The following TAPT1 variants were observed in gnomAD, a reference collection of about 807,000 sequenced individuals.
The protein encoded by TAPT1 is transmembrane anterior posterior transformation protein 1 homolog.
In TAPT1, 28 loss-of-function variants were observed where a neutral mutation model predicts 65.6. The observed-to-expected ratio is 0.43, with a 90% CI of 0.32 to 0.59. TAPT1 has a LOEUF of 0.59. TAPT1 is among the 20% of genes least tolerant of loss of function. TAPT1 has a pLI of 0.09. For missense variants in TAPT1, 563 were observed against 679.9 expected, an observed-to-expected ratio of 0.83 and a Z score of 1.91; for synonymous variants, 278 against 245.2, an observed-to-expected ratio of 1.13 and a Z score of -1.25.
At chr4:16,214,800 G>C (rs1239587287) in intron 1 of TAPT1, among the ~76,000 whole-genome samples, 1 of 152,142 alleles carries the variant, frequency 6.6e-6, no homozygotes, top group Non-Finnish European at 1.5e-5. Flanking sequence ...GTTACCAAAA[G>C]GTTTCCAACT....
intron 2 of TAPT1, among the ~76,000 whole-genome samples, chr4:16,203,827 A>G (rs1469146104): frequency 6.6e-6 from 1 of 152,228 alleles, no homozygotes; most frequent in Non-Finnish European, 1.5e-5. Flanking sequence ...ATGAAAGAAT[A>G]CACTTTATTA....
intron 12 of TAPT1, among the ~76,000 whole-genome samples, chr4:16,168,677 C>T (rs1448920980): frequency 6.6e-6 from 1 of 152,256 alleles, no homozygotes; most frequent in Non-Finnish European, 1.5e-5. Flanking sequence ...GCTTTTCTTC[C>T]TAATGATTCC....
chr4:16,208,544 T>C (rs940925455), intron 2 of TAPT1, among the ~76,000 whole-genome samples: 14 of 152,164 alleles, frequency 9.2e-5, no homozygotes, highest in African/African-American at 3.4e-4. Context: ...AATGCAGATG[T>C]AATGCCGAGG....
chr4:16,186,512 A>C lies in TAPT1; in HGVS notation c.916+23T>G, dbSNP rs77869532. ...GCAAAATAATACTGCACAGAACTTC[A>C]AGTAGAATCTAATTGTACATACCGC... On this transcript the variant is annotated intron_variant, in intron 7 of 13. Coordinates refer to ENST00000405303, the MANE Select transcript of TAPT1 (RefSeq NM_153365.3). The C allele has an allele frequency of 9.0e-4, 1,322 of 1,462,574 alleles. 10 individuals carry two copies. The African/African-American group carries it at 0.017, about 19-fold the overall frequency. 90.6% of individuals were successfully genotyped at this position (1,462,574 alleles called of 1,614,324 possible). A position where few individuals can be genotyped will look rare whatever the true frequency, so the allele number is the denominator to read the frequency against.
At chr4:16,193,926 CTAATT>C (rs1224390209) in intron 3 of TAPT1, among the ~76,000 whole-genome samples, 5 of 152,134 alleles carry the variant, frequency 3.3e-5, no homozygotes, top group Non-Finnish European at 7.4e-5. Flanking sequence ...ATTTTGATAA[CTAATT>C]AAAGTAGAAA....
At position 16,166,712 on chromosome 4, in the gene TAPT1, C is replaced by T. The variant is rs754601413; in HGVS notation, c.1395G>A (p.Glu465=). 1.1e-5 allele frequency: 18 copies of T among 1,613,874 alleles called. No homozygotes were observed. The highest frequency in any genetic ancestry group is 1.5e-5 in the Non-Finnish European group (18 of 1,179,902). ...AGGTTGCGGGAGGATTCGACAGCTT[C>T]TCTTCCATTTTGGCTTCCTTCACAT... The part of the protein sequence containing the change: ...CQYVKEAKME[E]KLSNPPATCT... The change falls in exon 13 of 14, where the codon GAG becomes GAA. Residue 465 remains glutamate (E), a synonymous_variant. Transcript: ENST00000405303.
chr4:16,189,980 G>A (rs543510507), intron 4 of TAPT1: 1 of 152,452 alleles, frequency 6.6e-6, no homozygotes, highest in Non-Finnish European at 1.5e-5. Context: ...CTATGAGAAG[G>A]AAGGGAGAAC....
Position 16,225,949 on chromosome 4 carries a change from A to G in TAPT1, c.199+310T>C. 3.0e-6 allele frequency: 3 copies of G among 990,834 alleles called. No individual in the cohort carries two copies. In the South Asian group the frequency reaches 1.4e-4, roughly 46 times the overall value. 61.4% of individuals were successfully genotyped at this position (990,834 alleles called of 1,614,324 possible). On this transcript the variant is annotated intron_variant, in intron 1 of 13. Transcript: ENST00000405303. ...CTCCGAGACGTGGGAGATGCCCGCT[A>G]ACCTAAGACCTTCCGAGGGCGATGC...
intron 12 of TAPT1, among the ~76,000 whole-genome samples, chr4:16,169,908 T>C (rs902323280): frequency 6.6e-6 from 1 of 152,166 alleles, no homozygotes; most frequent in Non-Finnish European, 1.5e-5. Context: ...CTCCAACCTT[T>C]TTCCTCTGGA....
chr4:16,226,597 C>T, upstream of TAPT1: 1 of 506,176 alleles, frequency 2.0e-6, no homozygotes, highest in Non-Finnish European at 2.6e-6. Context: ...CCGACCGGCG[C>T]GAGCCATTGG....
At chr4:16,165,838 C>T (rs1376123291) in intron 13 of TAPT1, among the ~76,000 whole-genome samples, 3 of 152,200 alleles carry the variant, frequency 2.0e-5, no homozygotes, top group Non-Finnish European at 4.4e-5. Flanking sequence ...TACCCTGCTC[C>T]TGGCCAGATA....
intron 5 of TAPT1, among the ~76,000 whole-genome samples, chr4:16,187,523 C>T (rs1183753259): frequency 6.6e-6 from 1 of 152,040 alleles, no homozygotes; most frequent in Non-Finnish European, 1.5e-5. Flanking sequence ...ATTTTACCCT[C>T]ACAGGTATCT....
intron 3 of TAPT1, among the ~76,000 whole-genome samples, chr4:16,192,650 G>C (rs1578446064): frequency 6.6e-6 from 1 of 152,168 alleles, no homozygotes. Flanking sequence ...AAATTCTTGT[G>C]ATAAGAATGG....
chr4:16,204,720 T>G (rs1172656708), intron 2 of TAPT1, among the ~76,000 whole-genome samples: 1 of 152,188 alleles, frequency 6.6e-6, no homozygotes, highest in Non-Finnish European at 1.5e-5. Context: ...CCACCCACAC[T>G]CTGCAGTGAG....
chr4:16,217,802 G>C (rs900920503), intron 1 of TAPT1, among the ~76,000 whole-genome samples: 19 of 152,344 alleles, frequency 1.2e-4, no homozygotes, highest in African/African-American at 4.6e-4. Context: ...CAGGGAAGGA[G>C]TGAAAAGCTT....
chr4:16,192,294 G>A (rs1422989442), intron 3 of TAPT1, among the ~76,000 whole-genome samples: 1 of 152,204 alleles, frequency 6.6e-6, no homozygotes. Context: ...ATCTTTGCCA[G>A]TCTCACTGAT....
At position 16,170,718 on chromosome 4, in the gene TAPT1, A is replaced by G. The variant is rs1747938450; in HGVS notation, c.1248T>C (p.Val416=). Residue 416 remains valine (V), a synonymous_variant, in exon 12 of 14, where the codon GTT becomes GTC. Transcript: ENST00000405303. The part of the protein sequence containing the change: ...PLPLAVLLIR[V]VTSSIKVQGI... ...CTTGCACTTTAATTGAGCTTGTTAC[A>G]ACTCTGATGAGCTAGCCAGAAACAA... is the stretch of plus-strand genomic sequence containing the variant. 1.2e-6 allele frequency: 2 copies of G among 1,613,452 alleles called. No homozygotes were observed. The highest frequency in any genetic ancestry group is 1.7e-6 in the Non-Finnish European group (2 of 1,179,606).
Position 16,226,371 on chromosome 4 carries a change from CG to C in TAPT1, c.86del (p.Ala29GlyfsTer43). 9.0e-7 allele frequency: 1 copy of C among 1,107,356 alleles called. No individual in the cohort carries two copies. Among genetic ancestry groups the C allele is most frequent in the Non-Finnish European group, 1.1e-6 (1 of 909,352 alleles). 68.6% of individuals were successfully genotyped at this position (1,107,356 alleles called of 1,614,324 possible). ...DGPQRDGRGE[A>X]EQPGGSGGQG... ...GTCCGCCGCTGCCGCCCGGCTGCTC[CG>C]CCTCGCCGCGGCCGTCCCGCTGCGG... On this transcript the variant is annotated frameshift_variant, in exon 1 of 14. Transcript: ENST00000405303. LOFTEE classifies it high-confidence loss of function.
upstream of TAPT1, chr4:16,226,522 C>G: frequency 2.1e-6 from 2 of 941,072 alleles, no homozygotes; most frequent in South Asian, 9.6e-5. Flanking sequence ...CGGCCCCCTC[C>G]CCGCCTCGCC....
Sources: gnomAD v4.1 joint callset for allele counts (sites outside exome capture counted in the v4.1 genomes callset) on GRCh38, gnomAD v4.1.1 for gene constraint, MANE v1.5 for transcripts, NCBI Gene and HGNC (gene_info 2026-07-23, HGNC 2026-07-21) for gene names.